Variants in C10orf90 observed in about 807,000 individuals in gnomAD.
The protein encoded by C10orf90 is chromosome 10 open reading frame 90, also known as (E2-independent) E3 ubiquitin-conjugating enzyme FATS.
A neutral mutation model predicts 62.5 loss-of-function variants in C10orf90; 56 were observed. The observed-to-expected ratio is 0.90, with a 90% CI of 0.72 to 1.12. The LOEUF (loss-of-function observed/expected upper bound fraction) is 1.12, where lower values mean the gene tolerates loss of function less well. Ranked by LOEUF, C10orf90 falls within the 50% of genes most tolerant of loss-of-function variation. C10orf90 has a pLI of 0.00. For missense variants in C10orf90, 970 were observed against 880.4 expected, an observed-to-expected ratio of 1.10 and a Z score of -1.29; for synonymous variants, 386 against 340.4, an observed-to-expected ratio of 1.13 and a Z score of -1.47.
intron 2 of C10orf90, among the ~76,000 whole-genome samples, chr10:126,531,146 C>T (rs1356416961): frequency 1.3e-5 from 2 of 150,962 alleles, no homozygotes; most frequent in African/African-American, 2.4e-5. Flanking sequence ...TGCACTCCAG[C>T]CTGGCCAAAA....
intron 4 of C10orf90, among the ~76,000 whole-genome samples, chr10:126,500,907 G>C (rs1223604402): frequency 6.6e-6 from 1 of 152,162 alleles, no homozygotes; most frequent in African/African-American, 2.4e-5. Context: ...CTTTGCCTCT[G>C]TTTGTAGAAT....
chr10:126,524,294 T>C (rs928855188), intron 2 of C10orf90, among the ~76,000 whole-genome samples: 2 of 152,158 alleles, frequency 1.3e-5, no homozygotes, highest in Non-Finnish European at 2.9e-5. Flanking sequence ...GAGGGTCTTG[T>C]TTTCAGACCA....
At chr10:126,610,986 G>A (rs1438023049) in intron 2 of C10orf90, among the ~76,000 whole-genome samples, 1 of 151,802 alleles carries the variant, frequency 6.6e-6, no homozygotes, top group East Asian at 1.9e-4. Flanking sequence ...GTTTGATTGA[G>A]ATGTACTTGT....
chr10:126,657,256 C>T (rs1846413350), intron 1 of C10orf90, among the ~76,000 whole-genome samples: 1 of 152,212 alleles, frequency 6.6e-6, no homozygotes, highest in South Asian at 2.1e-4. Flanking sequence ...TAACCATCTC[C>T]AGTACCTTTT....
At chr10:126,582,587 A>T (rs2134017430) in intron 2 of C10orf90, among the ~76,000 whole-genome samples, 1 of 152,350 alleles carries the variant, frequency 6.6e-6, no homozygotes, top group Non-Finnish European at 1.5e-5. Context: ...GTTAAAAGGG[A>T]GACAAAGATC....
At chr10:126,432,278 T>C (rs1680083559) in intron 7 of C10orf90, among the ~76,000 whole-genome samples, 1 of 152,154 alleles carries the variant, frequency 6.6e-6, no homozygotes, top group African/African-American at 2.4e-5. Flanking sequence ...TTGCAGAAAT[T>C]GTGTTTTGGG....
intron 2 of C10orf90, among the ~76,000 whole-genome samples, chr10:126,613,891 G>A (rs1355546715): frequency 1.3e-5 from 2 of 152,162 alleles, no homozygotes; most frequent in African/African-American, 4.8e-5. Context: ...GGCTGGTTGT[G>A]ATGACCTGAC....
chr10:126,459,221 T>G lies in C10orf90; in HGVS notation c.2011-4A>C, dbSNP rs770301849. On this transcript the variant is annotated splice_region_variant and splice_polypyrimidine_tract_variant and intron_variant, in intron 6 of 9. Transcript: ENST00000488181. ...GCTTACGAACTTCCAGTGCTTCCTA[T>G]GCAAAGCAAAGAAAATACGTCATTT... 1.2e-6 allele frequency: 2 copies of G among 1,613,504 alleles called. No individual in the cohort carries two copies. The highest frequency in any genetic ancestry group is 1.7e-6 in the Non-Finnish European group (2 of 1,180,016).
chr10:126,559,657 G>T (rs7075271), intron 2 of C10orf90, among the ~76,000 whole-genome samples: 1 of 151,802 alleles, frequency 6.6e-6, no homozygotes, highest in Non-Finnish European at 1.5e-5. Flanking sequence ...TCGGAAGATG[G>T]GTACCAGAGA....
chr10:126,584,617 C>T (rs191599161), intron 2 of C10orf90, among the ~76,000 whole-genome samples: 4 of 152,142 alleles, frequency 2.6e-5, no homozygotes, highest in African/African-American at 9.7e-5. Flanking sequence ...ATGTACTTTG[C>T]TCACGTGTGC....
intron 2 of C10orf90, among the ~76,000 whole-genome samples, chr10:126,589,000 G>C (rs879688734): frequency 3.3e-5 from 5 of 152,192 alleles, no homozygotes; most frequent in Non-Finnish European, 5.9e-5. Flanking sequence ...AGCCAGTTTA[G>C]AGAGGAGCAT....
chr10:126,576,707 AT>A (rs1844625210), intron 2 of C10orf90, among the ~76,000 whole-genome samples: 1 of 41,410 alleles, frequency 2.4e-5, no homozygotes, highest in Non-Finnish European at 5.4e-5. Flanking sequence ...ATGTATATGT[AT>A]ATATATACAA....
At chr10:126,588,059 C>A (rs941735706) in intron 2 of C10orf90, among the ~76,000 whole-genome samples, 13 of 152,208 alleles carry the variant, frequency 8.5e-5, no homozygotes, top group African/African-American at 3.1e-4. Context: ...CCAGCAGCAG[C>A]AGGTTAGAGA....
intron 4 of C10orf90, among the ~76,000 whole-genome samples, chr10:126,488,896 C>A (rs571896046): frequency 2.0e-5 from 3 of 152,134 alleles, no homozygotes; most frequent in African/African-American, 7.2e-5. Flanking sequence ...ATAATTAAAA[C>A]CTTTCCCACA....
chr10:126,454,552 G>A (rs1326596328), intron 7 of C10orf90, among the ~76,000 whole-genome samples: 1 of 151,586 alleles, frequency 6.6e-6, no homozygotes, highest in Admixed American at 6.6e-5. Context: ...ACTACCTACA[G>A]GAGCTGTACC....
At chr10:126,442,497 A>ATATATATATATATATATATATATATG (rs1168803860) in intron 7 of C10orf90, among the ~76,000 whole-genome samples, 1 of 110,454 alleles carries the variant, frequency 9.1e-6, no homozygotes, top group African/African-American at 3.7e-5. Context: ...ATATATATAT[A>ATATATATATATATATATATATATATG]TATATATATA....
At chr10:126,429,657 TGCAG>T in intron 8 of C10orf90, 126 bp downstream of exon 8, 1 of 695,374 alleles carries the variant, frequency 1.4e-6, no homozygotes, top group African/African-American at 1.8e-5. Context: ...TTTTCAGATT[TGCAG>T]CCAAAAAGAC....
intron 2 of C10orf90, among the ~76,000 whole-genome samples, chr10:126,518,829 C>T (rs1286938696): frequency 6.6e-6 from 1 of 152,154 alleles, no homozygotes; most frequent in Admixed American, 6.5e-5. Context: ...TTCCCAGAGA[C>T]TACAACCACC....
At chr10:126,474,149 T>C (rs1860735033) in intron 4 of C10orf90, among the ~76,000 whole-genome samples, 1 of 152,156 alleles carries the variant, frequency 6.6e-6, no homozygotes, top group Non-Finnish European at 1.5e-5. Flanking sequence ...CACATGCATG[T>C]CCACATCTGA....
Sources: allele counts gnomAD v4.1 joint callset (sites outside exome capture counted in the v4.1 genomes callset), GRCh38; gene constraint gnomAD v4.1.1; transcripts MANE v1.5; gene names NCBI Gene and HGNC (gene_info 2026-07-23, HGNC 2026-07-21).